The following FEZ2 variants were observed in gnomAD, a reference collection of about 807,000 sequenced individuals.
The protein encoded by FEZ2 is fasciculation and elongation protein zeta 2.
Under a neutral mutation model 40.4 loss-of-function variants are expected in FEZ2, and 51 were observed. That is an observed-to-expected ratio of 1.26 (90% CI 1.01 to 1.59). The LOEUF (loss-of-function observed/expected upper bound fraction) is 1.59. Among genes scored for constraint, FEZ2 ranks in the 40% most tolerant of loss-of-function variants. The pLI, the probability that FEZ2 is intolerant of heterozygous loss-of-function variation, is 0.00. For missense variants in FEZ2, 640 were observed against 438.3 expected (o/e 1.46, Z -4.11); for synonymous variants, 242 against 172.0 (o/e 1.41, Z -3.18).
chr2:36,558,524 T>A lies in FEZ2; in HGVS notation c.904-11A>T, dbSNP rs76175556. The A allele has an allele frequency of 0.024, 29,679 of 1,215,048 alleles. 199 individuals are homozygous for A. Among genetic ancestry groups the A allele is most frequent in the East Asian group, 0.052 (1,624 of 31,130 alleles). 75.3% of individuals were successfully genotyped at this position (1,215,048 alleles called of 1,614,324 possible). On this transcript the variant is annotated splice_polypyrimidine_tract_variant and intron_variant, in intron 5 of 7. Transcript: ENST00000405912. ...GACTGTAGTCAAATACTGCCAAGTTTAAAAAAAAAAAGTGTCACTTAAATC... is the reference window on the plus strand; with the variant it reads ...GACTGTAGTCAAATACTGCCAAGTTAAAAAAAAAAAAGTGTCACTTAAATC...
intron 5 of FEZ2, among the ~76,000 whole-genome samples, chr2:36,574,490 TG>T (rs1668507004): frequency 6.6e-6 from 1 of 150,906 alleles, no homozygotes; most frequent in Non-Finnish European, 1.5e-5. Context: ...AACAAAAAAT[TG>T]CAGTATGATA....
At position 36,597,787 on chromosome 2, in the gene FEZ2, G is replaced by A. The variant is rs866704573; in HGVS notation, c.266+90C>T. On this transcript the variant is annotated intron_variant, in intron 1 of 7. Transcript: ENST00000405912. ...ACTCCCGCGTCCGGGCGGAAGGAGG[G>A]CGCAGGGAGGAGCTGCGGCCGTAGG... 4.0e-6 allele frequency: 4 copies of A among 995,674 alleles called. No homozygotes were observed. In the African/African-American group the frequency reaches 5.4e-5, roughly 14 times the overall value. 61.7% of individuals were successfully genotyped at this position (995,674 alleles called of 1,614,324 possible). A position where few individuals can be genotyped will look rare whatever the true frequency, so the allele number is the denominator to read the frequency against.
chr2:36,568,028 A>G (rs975029108), intron 5 of FEZ2, among the ~76,000 whole-genome samples: 2 of 152,242 alleles, frequency 1.3e-5, no homozygotes, highest in Admixed American at 6.5e-5. Context: ...TTTTTAGTAA[A>G]CGTCACCTCA....
intron 1 of FEZ2, among the ~76,000 whole-genome samples, 191 bp downstream of exon 1, chr2:36,597,686 G>C (rs1274684339): frequency 2.0e-5 from 3 of 152,238 alleles, no homozygotes; most frequent in Non-Finnish European, 1.5e-5. Flanking sequence ...AGGGCTCGTG[G>C]CGGCGGGGGG....
At chr2:36,566,594 G>A (rs1050569507) in intron 5 of FEZ2, among the ~76,000 whole-genome samples, 3 of 152,158 alleles carry the variant, frequency 2.0e-5, no homozygotes, top group Non-Finnish European at 2.9e-5. Flanking sequence ...CCTGCAAAAC[G>A]CTACAGCGAT....
At chr2:36,585,027 G>A (rs190691186) in intron 2 of FEZ2, among the ~76,000 whole-genome samples, 88 of 152,180 alleles carry the variant, frequency 5.8e-4, no homozygotes, top group Admixed American at 9.8e-4. Context: ...GCAAAGGCCT[G>A]GCCATGACCT....
chr2:36,585,362 T>C (rs1668872008), intron 2 of FEZ2, among the ~76,000 whole-genome samples: 4 of 152,170 alleles, frequency 2.6e-5, no homozygotes, highest in African/African-American at 9.7e-5. Flanking sequence ...AAAAAAGATA[T>C]GTGGTCTAAT....
At chr2:36,581,489 G>C in intron 3 of FEZ2, 58 bp from the exon 4 acceptor site, 2 of 1,515,868 alleles carry the variant, frequency 1.3e-6, no homozygotes, top group African/African-American at 2.7e-5. Context: ...TGATCTATCT[G>C]GAACACAGTG....
At chr2:36,573,039 G>A (rs1315221422) in intron 5 of FEZ2, among the ~76,000 whole-genome samples, 4 of 152,040 alleles carry the variant, frequency 2.6e-5, no homozygotes, top group Non-Finnish European at 5.9e-5. Flanking sequence ...TATCCCAAAA[G>A]TTGTCCGTAT....
At position 36,553,099 on chromosome 2, in the gene FEZ2, C is replaced by G; in HGVS notation, c.*64G>C. ...CCAATAGCAAGAAGGGTAATGGTAG[C>G]CAGCTCTCAGAATAATGCTGTCGGA... On this transcript the variant is annotated 3_prime_UTR_variant, in exon 8 of 8. Coordinates refer to ENST00000405912, the MANE Select transcript of FEZ2 (RefSeq NM_005102.3). 1.4e-6 allele frequency: 2 copies of G among 1,410,582 alleles called. No individual in the cohort carries two copies. Among genetic ancestry groups the G allele is most frequent in the Non-Finnish European group, 2.0e-6 (2 of 1,019,592 alleles). The allele number at this position is 1,410,582 out of a possible 1,614,324, so 87.4% of individuals were successfully genotyped here.
chr2:36,589,849 C>T (rs899933245), intron 2 of FEZ2: 1 of 152,204 alleles, frequency 6.6e-6, no homozygotes, highest in Admixed American at 6.5e-5. Context: ...TAGTGACAGG[C>T]CTACTGCACT....
At chr2:36,593,254 G>A (rs1005909906) in intron 1 of FEZ2, among the ~76,000 whole-genome samples, 1 of 152,096 alleles carries the variant, frequency 6.6e-6, no homozygotes, top group African/African-American at 2.4e-5. Flanking sequence ...AAAGGAGGAA[G>A]ATGCAAAAGC....
At chr2:36,579,106 A>G in intron 4 of FEZ2, 1 of 435,044 alleles carries the variant, frequency 2.3e-6, no homozygotes. Flanking sequence ...GCTGGCAAGA[A>G]AGTCTAACAA....
chr2:36,597,909 G>T lies in FEZ2; in HGVS notation c.234C>A (p.Pro78=), dbSNP rs1161138007. The change falls in exon 1 of 8, where the codon CCC becomes CCA. Residue 78 remains proline (P), a synonymous_variant. Transcript: ENST00000405912. ...CCTGCAGGAGGCTGCGCTCCGTGAT[G>T]GGCCGCACGGCCGTCCTCGGGGGCT... ...GAEPPRTAVR[P]ITERSLLQGD... 2 of 1,411,396 alleles carry T rather than the reference G, an allele frequency of 1.4e-6. No homozygotes were observed. The highest frequency in any genetic ancestry group is 6.1e-5 in the East Asian group (2 of 32,992). The allele number at this position is 1,411,396 out of a possible 1,614,324, so 87.4% of individuals were successfully genotyped here.
At chr2:36,563,351 G>A (rs1209347531) in intron 5 of FEZ2, among the ~76,000 whole-genome samples, 1 of 152,120 alleles carries the variant, frequency 6.6e-6, no homozygotes, top group African/African-American at 2.4e-5. Context: ...CTCTGTCCTT[G>A]CTGCTGATGG....
intron 4 of FEZ2, among the ~76,000 whole-genome samples, chr2:36,580,828 C>T (rs922420654): frequency 6.6e-6 from 1 of 152,046 alleles, no homozygotes; most frequent in Non-Finnish European, 1.5e-5. Flanking sequence ...TTAGGATAGA[C>T]CCTAATCCAA....
chr2:36,598,101 C>T lies in FEZ2; in HGVS notation c.42G>A (p.Gln14=), dbSNP rs1314131910. 1 of 1,494,426 alleles carries T rather than the reference C, an allele frequency of 6.7e-7. No homozygotes were observed. Among genetic ancestry groups the T allele is most frequent in the Non-Finnish European group, 8.9e-7 (1 of 1,128,770 alleles). The allele number at this position is 1,494,426 out of a possible 1,614,324, so 92.6% of individuals were successfully genotyped here. A position where few individuals can be genotyped will look rare whatever the true frequency, so the allele number is the denominator to read the frequency against. The change falls in exon 1 of 8, where the codon CAG becomes CAA. Residue 14 remains glutamine, a synonymous_variant. Coordinates refer to ENST00000405912, the MANE Select transcript of FEZ2 (RefSeq NM_005102.3). ...GGTCCAGGAGGCTCCGGGCCGGCTC[C>T]TGGAACTCATAGAAATCCTGCCAGT... The part of the protein sequence containing the change: ...DGDWQDFYEF[Q]EPARSLLDQE...
chr2:36,569,959 T>C (rs1171215693), intron 5 of FEZ2, among the ~76,000 whole-genome samples: 2 of 152,172 alleles, frequency 1.3e-5, no homozygotes, highest in African/African-American at 4.8e-5. Context: ...GAAAGCAAAA[T>C]GAAAACATAA....
chr2:36,581,258 C>T, intron 4 of FEZ2, 32 bp downstream of exon 4: 1 of 1,602,746 alleles, frequency 6.2e-7, no homozygotes. Flanking sequence ...ACAAAAAGCA[C>T]AGAAATCATT....
Sources: gnomAD v4.1 joint callset for allele counts (sites outside exome capture counted in the v4.1 genomes callset) on GRCh38, gnomAD v4.1.1 for gene constraint, MANE v1.5 for transcripts, NCBI Gene and HGNC (gene_info 2026-07-23, HGNC 2026-07-21) for gene names.